NPEPPS: variants seen among roughly 807,000 people sequenced by gnomAD.
The protein encoded by NPEPPS is aminopeptidase puromycin sensitive, also known as puromycin-sensitive aminopeptidase.
A neutral mutation model predicts 115.5 loss-of-function variants in NPEPPS; 14 were observed. The ratio of observed to expected loss-of-function variants is 0.12; its 90% confidence interval spans 0.08 to 0.19. The LOEUF is 0.19. Ranked by LOEUF, NPEPPS falls within the 10% of genes least tolerant of loss-of-function variation. NPEPPS has a pLI of 1.00. For missense variants in NPEPPS, 523 were observed against 1,110.8 expected, an observed-to-expected ratio of 0.47 and a Z score of 7.52; for synonymous variants, 285 against 390.6, an observed-to-expected ratio of 0.73 and a Z score of 3.19.
chr17:47,574,405 A>G (rs552736593), intron 3 of NPEPPS, among the ~76,000 whole-genome samples: 208 of 152,206 alleles, frequency 1.4e-3, no homozygotes, highest in Middle Eastern at 6.8e-3. Context: ...TTAAATTTAA[A>G]AAGTTAAACA....
intron 12 of NPEPPS, among the ~76,000 whole-genome samples, chr17:47,594,497 G>A (rs1597872229): frequency 6.8e-6 from 1 of 146,234 alleles, no homozygotes; most frequent in Admixed American, 6.9e-5. Flanking sequence ...CACAACCTCC[G>A]CCTCCCGGGT....
At chr17:47,590,644 C>A in intron 9 of NPEPPS, 73 bp from the exon 10 acceptor site, 1 of 1,489,562 alleles carries the variant, frequency 6.7e-7, no homozygotes, top group East Asian at 2.4e-5. Context: ...GTGGAAGGGA[C>A]ATGTGAGTGT....
chr17:47,608,787 A>G (rs1913672752), intron 17 of NPEPPS, among the ~76,000 whole-genome samples: 1 of 152,228 alleles, frequency 6.6e-6, no homozygotes, highest in East Asian at 1.9e-4. Context: ...ATTTAAATAA[A>G]TAGTAGATGA....
chr17:47,565,784 T>C (rs932622742), intron 2 of NPEPPS, among the ~76,000 whole-genome samples: 1 of 151,116 alleles, frequency 6.6e-6, no homozygotes, highest in African/African-American at 2.4e-5. Flanking sequence ...GGCAGCACTG[T>C]ACTCCAGGTT....
rs932481241 is a variant in NPEPPS at position 47,622,444 on chromosome 17, G to A, written c.*524G>A. The A allele has an allele frequency of 1.8e-5, 3 of 168,992 alleles. No individual in the cohort carries two copies. The highest frequency in any genetic ancestry group is 2.4e-5 in the African/African-American group (1 of 40,868). The allele number at this position is 168,992 out of a possible 1,614,324, so 10.5% of individuals were successfully genotyped here. A position where few individuals can be genotyped will look rare whatever the true frequency, so the allele number is the denominator to read the frequency against. On this transcript the variant is annotated 3_prime_UTR_variant, in exon 23 of 23. Coordinates refer to ENST00000322157, the MANE Select transcript of NPEPPS (RefSeq NM_006310.4). The stretch of plus-strand genomic sequence containing the variant: ...AAGTGGCTTTTTTTTTTTTTGGCAC[G>A]GGGACTGATCAGGAAGATATATTCC...
At chr17:47,545,181 T>A (rs1422133359) in intron 1 of NPEPPS, among the ~76,000 whole-genome samples, 6 of 152,020 alleles carry the variant, frequency 3.9e-5, no homozygotes, top group East Asian at 1.9e-4. Context: ...ATTAAAAAAA[T>A]TTTTTTTGTC....
chr17:47,608,855 A>T (rs900811750), intron 17 of NPEPPS, among the ~76,000 whole-genome samples: 1 of 152,240 alleles, frequency 6.6e-6, no homozygotes, highest in African/African-American at 2.4e-5. Flanking sequence ...ATGCTACTAC[A>T]CTAAGTCAAA....
intron 2 of NPEPPS, among the ~76,000 whole-genome samples, chr17:47,549,886 A>T (rs1909513599): frequency 6.6e-6 from 1 of 151,458 alleles, no homozygotes; most frequent in Non-Finnish European, 1.5e-5. Flanking sequence ...AGGTAAAAGT[A>T]AAATCAGAAA....
intron 14 of NPEPPS, among the ~76,000 whole-genome samples, chr17:47,601,192 G>GC (rs1555611567): frequency 6.6e-6 from 1 of 151,878 alleles, no homozygotes; most frequent in African/African-American, 2.4e-5. Context: ...CTGAGATCAC[G>GC]CCACCGCACT....
At chr17:47,584,333 T>C (rs1056139509) in intron 5 of NPEPPS, among the ~76,000 whole-genome samples, 2 of 152,182 alleles carry the variant, frequency 1.3e-5, no homozygotes, top group Non-Finnish European at 2.9e-5. Context: ...TTTAGGTCTC[T>C]GGCTGTTTGT....
chr17:47,531,778 C>T (rs1488442240), intron 1 of NPEPPS, among the ~76,000 whole-genome samples: 2 of 152,046 alleles, frequency 1.3e-5, no homozygotes, highest in Non-Finnish European at 2.9e-5. Context: ...GAGGCTGGGG[C>T]TCGGGCTGGG....
chr17:47,531,867 T>C (rs909871164), intron 1 of NPEPPS, among the ~76,000 whole-genome samples: 2 of 151,728 alleles, frequency 1.3e-5, no homozygotes, highest in Admixed American at 6.6e-5. Context: ...TGTGGGGCTT[T>C]CCCCCCCGCC....
At chr17:47,535,005 GA>G (rs1354978819) in intron 1 of NPEPPS, among the ~76,000 whole-genome samples, 1 of 151,788 alleles carries the variant, frequency 6.6e-6, no homozygotes, top group Non-Finnish European at 1.5e-5. Flanking sequence ...AGCACTCTGG[GA>G]GGCCGAGGCG....
intron 1 of NPEPPS, among the ~76,000 whole-genome samples, chr17:47,524,499 A>ATTT (rs540272108): frequency 1.4e-5 from 2 of 141,742 alleles, no homozygotes; most frequent in Admixed American, 1.4e-4. Flanking sequence ...AATTAAAAAC[A>ATTT]TTTTTTTTTT....
At chr17:47,549,885 T>G (rs1274695151) in intron 2 of NPEPPS, among the ~76,000 whole-genome samples, 3 of 150,936 alleles carry the variant, frequency 2.0e-5, no homozygotes, top group South Asian at 2.1e-4. Flanking sequence ...AAGGTAAAAG[T>G]AAAATCAGAA....
intron 17 of NPEPPS, among the ~76,000 whole-genome samples, chr17:47,609,692 T>C (rs1366970699): frequency 6.6e-6 from 1 of 152,178 alleles, no homozygotes; most frequent in African/African-American, 2.4e-5. Flanking sequence ...CTGCTTGGGC[T>C]CCTTCCTAAT....
At chr17:47,532,056 C>T (rs1907824736) in intron 1 of NPEPPS, among the ~76,000 whole-genome samples, 2 of 151,862 alleles carry the variant, frequency 1.3e-5, no homozygotes, top group African/African-American at 2.4e-5. Flanking sequence ...CTCTGGCCGC[C>T]GCGTTGGAGC....
In NPEPPS at chr17:47,601,688, A is replaced by C. The variant is rs779859570; in HGVS notation, c.1681A>C (p.Met561Leu). Reference protein sequence around the residue: ...DPNQAKLKILMDKPEMNVVLK... With the variant: ...DPNQAKLKILLDKPEMNVVLK... ...CAACCAGGCCAAACTAAAAATTCTA[A>C]TGGACAAGCCAGAGATGAATGTGGT... Residue 561 changes from methionine (M) to leucine (L), a missense_variant, in exon 15 of 23, where the codon ATG becomes CTG. Around this residue, in one of 4 missense-constraint regions of NPEPPS, gnomAD observed 372 missense variants for 542.6 expected, o/e 0.69. Coordinates refer to ENST00000322157, the MANE Select transcript of NPEPPS (RefSeq NM_006310.4). 6.2e-7 allele frequency: 1 copy of C among 1,613,104 alleles called. No individual in the cohort carries two copies. Among genetic ancestry groups the C allele is most frequent in the Non-Finnish European group, 8.5e-7 (1 of 1,179,658 alleles).
At chr17:47,546,767 T>C (rs1055934103) in intron 2 of NPEPPS, among the ~76,000 whole-genome samples, 1 of 152,120 alleles carries the variant, frequency 6.6e-6, no homozygotes, top group African/African-American at 2.4e-5. Context: ...CTTGAACTCC[T>C]GATCTCAGGT....
Sources: gnomAD v4.1 joint callset for allele counts (sites outside exome capture counted in the v4.1 genomes callset) on GRCh38, gnomAD v4.1.1 for gene constraint, gnomAD v4.1.1 regional missense constraint, MANE v1.5 for transcripts, NCBI Gene and HGNC (gene_info 2026-07-23, HGNC 2026-07-21) for gene names.